The following ESPL1 variants were observed in gnomAD, a reference collection of about 807,000 sequenced individuals.
ESPL1 encodes the protein separin.
A neutral mutation model predicts 217.2 loss-of-function variants in ESPL1; 50 were observed. The ratio of observed to expected loss-of-function variants is 0.23; its 90% CI spans 0.18 to 0.29. The LOEUF (loss-of-function observed/expected upper bound fraction) is 0.29, where lower values mean the gene tolerates loss of function less well. ESPL1 is among the 10% of genes least tolerant of loss of function. The pLI is 1.00. For synonymous variants in ESPL1, 994 were observed against 1,081.3 expected, an observed-to-expected ratio of 0.92 and a Z score of 1.58; for missense variants, 1,834 against 2,603.0, an observed-to-expected ratio of 0.70 and a Z score of 6.43.
Position 53,292,614 on chromosome 12 carries a change from C to T in ESPL1, c.5953C>T (p.Pro1985Ser). 2.5e-6 allele frequency: 4 copies of T among 1,612,940 alleles called. No homozygotes were observed. The highest frequency in any genetic ancestry group is 3.4e-6 in the Non-Finnish European group (4 of 1,179,998). ...AGGAGTGGTTGGGGAGGTGCCAAGA[C>T]CTGAACAGGTGCAGGAAGCCCTGAC... ...WRGVVGEVPR[P>S]EQVQEALTKH... Residue 1985 changes from proline to serine, a missense_variant, in exon 29 of 31, where the codon CCT (proline) becomes TCT (serine). Physicochemically the swap from Pro to Ser is moderately conservative, Grantham distance 74 (BLOSUM62 -1). Coordinates refer to ENST00000257934, the MANE Select transcript of ESPL1 (RefSeq NM_012291.5). This position sits in a 1 kb window ranked among gnomAD's most constrained non-coding sequence, Gnocchi z 4.5.
At chr12:53,277,763 G>A (rs1482514564) in intron 10 of ESPL1, 58 bp from the exon 11 acceptor site, 1 of 1,596,848 alleles carries the variant, frequency 6.3e-7, no homozygotes, top group African/African-American at 1.3e-5. Flanking sequence ...TGGAGGAAGG[G>A]AAGTTCTCTC....
Position 53,292,818 on chromosome 12 carries a change from T to C in ESPL1, c.6009T>C (p.His2003=). ...TKHDLYIYAG[H]GAGARFLDGQ... is the part of the protein sequence containing the mutation. Reference sequence around the variant, plus strand: ...CCTTCTGCCTTAGCTATGCAGGGCATGGGGCTGGTGCCCGCTTCCTTGATG... The same window carrying C: ...CCTTCTGCCTTAGCTATGCAGGGCACGGGGCTGGTGCCCGCTTCCTTGATG... Residue 2003 remains histidine, a synonymous_variant, in exon 30 of 31, where the codon CAT becomes CAC. Transcript: ENST00000257934. The surrounding 1 kb of genome is among the most constrained non-coding windows in gnomAD (Gnocchi z 4.5). The C allele has an allele frequency of 1.2e-6, 2 of 1,609,530 alleles. No homozygotes were observed. The highest frequency in any genetic ancestry group is 2.2e-5 in the South Asian group (2 of 91,080).
Position 53,286,140 on chromosome 12 carries a change from C to A in ESPL1, c.3404C>A (p.Pro1135His). The A allele has an allele frequency of 3.7e-6, 6 of 1,614,234 alleles. No individual in the cohort carries two copies. The highest frequency in any genetic ancestry group is 5.1e-6 in the Non-Finnish European group (6 of 1,180,038). The change falls in exon 18 of 31, where the codon CCC becomes CAC. Residue 1135 changes from proline (P) to histidine (H), a missense_variant. Physicochemically the swap from Pro to His is moderately conservative, Grantham distance 77. This residue lies in a region of ESPL1 where 681 missense variants were observed against 808.0 expected (regional missense o/e 0.84). Transcript: ENST00000257934. This position sits in a 1 kb window ranked among gnomAD's most constrained non-coding sequence, Gnocchi z 5.3. ...CCAGTCTTGAAAACCAAGCCCCAGCCCATACCCAACTTCCTGTCCCATTCA... is the reference window on the plus strand; with the variant it reads ...CCAGTCTTGAAAACCAAGCCCCAGCACATACCCAACTTCCTGTCCCATTCA... ...SSPVLKTKPQ[P>H]IPNFLSHSPT...
At chr12:53,287,031 T>A (rs1004198159) in intron 18 of ESPL1, 119 bp downstream of exon 18, 1 of 997,880 alleles carries the variant, frequency 1.0e-6, no homozygotes, top group Non-Finnish European at 1.5e-6. Context: ...AGTGGAACTT[T>A]AATCTCCTGC....
At position 53,288,288 on chromosome 12, in the gene ESPL1, G is replaced by A. The variant is rs1943990599; in HGVS notation, c.4493G>A (p.Arg1498Lys). The change falls in exon 19 of 31, where the codon AGA becomes AAA. Residue 1498 changes from arginine (R) to lysine (K), a missense_variant. By Grantham distance (26) the Arg-to-Lys change is conservative. Transcript: ENST00000257934. ...IPEEELTDNW[R>K]KMSFEILRGS... ...GAGGAAGAACTGACTGACAACTGGA[G>A]AAAAATGAGCTTTGAGATCCTCAGG... The A allele has an allele frequency of 1.2e-6, 2 of 1,605,334 alleles. No individual in the cohort carries two copies. The highest frequency in any genetic ancestry group is 2.2e-5 in the East Asian group (1 of 44,710).
Position 53,277,604 on chromosome 12 carries a change from T to C in ESPL1, c.2220T>C (p.Asp740=). Residue 740 remains aspartate, a synonymous_variant, in exon 10 of 31, where the codon GAT becomes GAC. Coordinates refer to ENST00000257934, the MANE Select transcript of ESPL1 (RefSeq NM_012291.5). ...YSNIAFNLAA[D]AAQSKCLDQA... ...ACATTGCCTTCAACCTGGCTGCAGA[T>C]GCTGGTGAGGGGTAAATGGAGTGTG... 6.2e-7 allele frequency: 1 copy of C among 1,614,126 alleles called. No individual in the cohort carries two copies. Among genetic ancestry groups the C allele is most frequent in the Non-Finnish European group, 8.5e-7 (1 of 1,179,982 alleles).
chr12:53,284,309 G>A (rs529880261), intron 17 of ESPL1, 142 bp downstream of exon 17: 28 of 596,526 alleles, frequency 4.7e-5, no homozygotes, highest in Middle Eastern at 3.3e-4. Context: ...GTGCAGTGGC[G>A]TGATCTTGGC....
intron 5 of ESPL1, 100 bp downstream of exon 5, chr12:53,270,898 T>A (rs1056555410): frequency 3.1e-5 from 41 of 1,325,768 alleles, no homozygotes; most frequent in Non-Finnish European, 4.3e-5. Context: ...CTGTGAGGGT[T>A]CCTTATGGTT....
Position 53,293,140 on chromosome 12 carries a change from T to C in ESPL1, c.6162-133T>C. 1.0e-6 allele frequency: 1 copy of C among 1,001,764 alleles called. No homozygotes were observed. Among genetic ancestry groups the C allele is most frequent in the Non-Finnish European group, 1.5e-6 (1 of 665,890 alleles). 62.1% of individuals were successfully genotyped at this position (1,001,764 alleles called of 1,614,324 possible). On this transcript the variant is annotated intron_variant, in intron 30 of 30. Coordinates refer to ENST00000257934, the MANE Select transcript of ESPL1 (RefSeq NM_012291.5). This position sits in a 1 kb window ranked among gnomAD's most constrained non-coding sequence, Gnocchi z 4.2. ...CCCTTAGCTCCCTTCTGTTCTTCTC[T>C]TGTAACCAAGGGCCAAAGGAGTTTC...
chr12:53,270,715 G>A lies in ESPL1; in HGVS notation c.1286G>A (p.Ser429Asn). ...DLADLTQLVD[S>N]CKSTVVWMLE... ...GCTGACCTGACCCAACTAGTGGACA[G>A]TTGTAAATCTACCGTTGTCTGGATG... Residue 429 changes from serine to asparagine, a missense_variant, in exon 5 of 31, where the codon AGT (serine) becomes AAT (asparagine). Physicochemically the swap from Ser to Asn is conservative, Grantham distance 46 (BLOSUM62 1). Transcript: ENST00000257934. The A allele has an allele frequency of 1.2e-6, 2 of 1,614,166 alleles. No individual in the cohort carries two copies. Among genetic ancestry groups the A allele is most frequent in the African/African-American group, 1.3e-5 (1 of 75,040 alleles).
In ESPL1 at chr12:53,270,062, C is replaced by T. The variant is rs374438789; in HGVS notation, c.1120C>T (p.Leu374=). The change falls in exon 3 of 31, where the codon CTG becomes TTG. Residue 374 remains leucine (L), a synonymous_variant. Transcript: ENST00000257934. The part of the protein sequence containing the change: ...FAFLGGYCSL[L]QQLRDDGVYG... ...TTTTCTTGGAGGGTACTGCTCTCTT[C>T]TGCAGCAGCTGCGGGATGATGGTGT... is the stretch of plus-strand genomic sequence containing the variant. 44 of 1,610,584 alleles carry T rather than the reference C, an allele frequency of 2.7e-5. No individual in the cohort carries two copies. The African/African-American group carries it at 3.3e-4, about 12-fold the overall frequency.
intron 6 of ESPL1, among the ~76,000 whole-genome samples, chr12:53,273,626 G>A (rs913113194): frequency 6.6e-6 from 1 of 150,982 alleles, no homozygotes; most frequent in Non-Finnish European, 1.5e-5. Context: ...AGGCGTGGTG[G>A]CATGTGCCTG....
chr12:53,290,933 C>T lies in ESPL1; in HGVS notation c.5457C>T (p.Ala1819=), dbSNP rs1488735549. The T allele has an allele frequency of 2.5e-6, 4 of 1,605,790 alleles. No individual in the cohort carries two copies. Among genetic ancestry groups the T allele is most frequent in the Non-Finnish European group, 3.4e-6 (4 of 1,176,490 alleles). Residue 1819 remains alanine (A), a synonymous_variant, in exon 25 of 31, where the codon GCC becomes GCT. Transcript: ENST00000257934. ...SSEEPGPAQE[A]SRLQELLQDC... ...AGGAGCCCGGCCCTGCCCAGGAGGC[C>T]TCCCGCCTACAGGAGCTGCTACAGG...
Position 53,282,484 on chromosome 12 carries a change from T to C in ESPL1, c.2791+49T>C. On this transcript the variant is annotated intron_variant, in intron 14 of 30. Coordinates refer to ENST00000257934, the MANE Select transcript of ESPL1 (RefSeq NM_012291.5). The surrounding 1 kb of genome is among the most constrained non-coding windows in gnomAD (Gnocchi z 4.0). The stretch of plus-strand genomic sequence containing the variant: ...CCCCTTGGATGACATGTATGGTCTG[T>C]CTGCTGTCAGCTCTTCTCAAACCTC... 1 of 1,556,912 alleles carries C rather than the reference T, an allele frequency of 6.4e-7. No homozygotes were observed. The highest frequency in any genetic ancestry group is 8.8e-7 in the Non-Finnish European group (1 of 1,132,992).
intron 12 of ESPL1, among the ~76,000 whole-genome samples, chr12:53,281,275 T>C (rs1055526881): frequency 6.6e-6 from 1 of 151,676 alleles, no homozygotes; most frequent in Admixed American, 6.6e-5. Context: ...GTAGCTGGGA[T>C]TACAGGCGCG....
intron 7 of ESPL1, among the ~76,000 whole-genome samples, chr12:53,275,330 G>T (rs1372695223): frequency 6.6e-6 from 1 of 152,006 alleles, no homozygotes; most frequent in African/African-American, 2.4e-5. Context: ...GCGTGGTGGC[G>T]GGTGCCTGTA....
chr12:53,282,302 G>A lies in ESPL1; in HGVS notation c.2658G>A (p.Arg886=), dbSNP rs1415172766. 6.2e-7 allele frequency: 1 copy of A among 1,614,036 alleles called. No homozygotes were observed. The highest frequency in any genetic ancestry group is 8.5e-7 in the Non-Finnish European group (1 of 1,180,008). The change falls in exon 14 of 31, where the codon CGG becomes CGA. Residue 886 remains arginine (R), a synonymous_variant. Transcript: ENST00000257934. This position sits in a 1 kb window ranked among gnomAD's most constrained non-coding sequence, Gnocchi z 4.0. Reference sequence around the variant, plus strand: ...TCTCTCTGCTGCTGTCTGTGCTTCGGGATCCTGCCCTCCAGAAGTCCTCCA... The same window carrying A: ...TCTCTCTGCTGCTGTCTGTGCTTCGAGATCCTGCCCTCCAGAAGTCCTCCA... ...KGVSLLLSVL[R]DPALQKSSKA...
intron 5 of ESPL1, among the ~76,000 whole-genome samples, chr12:53,271,172 GTTTTTT>G (rs1555185860): frequency 8.5e-6 from 1 of 117,754 alleles, no homozygotes. Context: ...ATATTTAAGT[GTTTTTT>G]TTTTTTTTTT....
At chr12:53,283,039 A>G (rs1027993076) in intron 14 of ESPL1, 90 bp from the exon 15 acceptor site, 4 of 1,529,110 alleles carry the variant, frequency 2.6e-6, no homozygotes, top group Non-Finnish European at 3.6e-6. Context: ...ATGCAGAAGG[A>G]AGCATGGGAA....
Sources: allele counts gnomAD v4.1 joint callset (sites outside exome capture counted in the v4.1 genomes callset), GRCh38; gene constraint gnomAD v4.1.1; regional missense constraint gnomAD v4.1.1; non-coding constraint Gnocchi (gnomAD v3.1); transcripts MANE v1.5; gene names NCBI Gene and HGNC (gene_info 2026-07-23, HGNC 2026-07-21).